Variants in NCOR2 observed in about 807,000 individuals in gnomAD.
NCOR2 encodes CTG repeat protein 26.
NCOR2 carries 81 observed loss-of-function variants against 262.9 expected under a neutral mutation model. The observed-to-expected ratio is 0.31, with a 90% CI of 0.26 to 0.37. NCOR2 has a LOEUF of 0.37. Among genes scored for constraint, NCOR2 ranks in the 10% least tolerant of loss-of-function variants. The probability of loss-of-function intolerance (pLI) is 1.00; values close to 1 mark genes in which losing one functional copy is unlikely to be tolerated. For missense variants in NCOR2, 3,385 were observed against 3,621.4 expected (o/e 0.93, Z 1.68); for synonymous variants, 1,659 against 1,559.3 (o/e 1.06, Z -1.51).
chr12:124,486,473 G>T, exon 2 of NCOR2: 1 of 1,612,464 alleles, frequency 6.2e-7, no homozygotes. Flanking sequence ...CAGACAGCAG[G>T]GAGGGCCTCC....
rs565789991 is a variant in NCOR2 at position 124,521,481 on chromosome 12, A to T, written c.-118+14084T>A. 5.3e-5 allele frequency among the ~76,000 whole-genome samples: 8 copies of T among 152,280 alleles called. No individual in the cohort carries two copies. The East Asian group carries it at 1.5e-3, about 29-fold the overall frequency. ...ACCATTCAACACGGATCAACCTCAA[A>T]CACATTGTGCGGAGTGAAAGAAGCC... On this transcript the variant is annotated intron_variant, in intron 1 of 46. Transcript: ENST00000404621.
At chr12:124,437,867 C>G (rs1363847475) in intron 8 of NCOR2, 63 bp downstream of exon 10, 6 of 1,503,432 alleles carry the variant, frequency 4.0e-6, no homozygotes, top group East Asian at 4.8e-5. Flanking sequence ...GGTGTGGCCC[C>G]CTGTGCGCTC....
intron 4 of NCOR2, among the ~76,000 whole-genome samples, chr12:124,471,192 A>T (rs1300020327): frequency 1.3e-5 from 2 of 152,114 alleles, no homozygotes; most frequent in African/African-American, 4.8e-5. Flanking sequence ...CTTGAAATCA[A>T]TGCTCTCCCC....
At chr12:124,473,876 C>T (rs2046956632) in intron 3 of NCOR2, among the ~76,000 whole-genome samples, 1 of 152,174 alleles carries the variant, frequency 6.6e-6, no homozygotes, top group South Asian at 2.1e-4. Context: ...GGCCCAGAGT[C>T]CTGGACATCT....
exon 20 of NCOR2, chr12:124,372,475 G>A: frequency 6.4e-7 from 1 of 1,569,460 alleles, no homozygotes; most frequent in Non-Finnish European, 8.6e-7. Flanking sequence ...CTCCGGTGGT[G>A]GGGTGGGTGG....
At chr12:124,332,367 C>T in exon 43 of NCOR2, 1 of 1,614,226 alleles carries the variant, frequency 6.2e-7, no homozygotes, top group Non-Finnish European at 8.5e-7. Context: ...TTGTTGATCT[C>T]TTGCTTCTTG....
intron 23 of NCOR2, 55 bp from the exon 26 acceptor site, chr12:124,355,626 G>T: frequency 6.7e-7 from 1 of 1,493,024 alleles, no homozygotes; most frequent in South Asian, 1.4e-5. Context: ...CGTCCCTGCC[G>T]GACACACACT....
chr12:124,357,174 G>A (rs1421599440), intron 22 of NCOR2, among the ~76,000 whole-genome samples: 1 of 152,124 alleles, frequency 6.6e-6, no homozygotes, highest in Non-Finnish European at 1.5e-5. Flanking sequence ...TTTGAGACAG[G>A]GTCTCCTTCT....
chr12:124,523,967 C>G lies in NCOR2; in HGVS notation c.-118+11598G>C, dbSNP rs932325672. Among the ~76,000 whole-genome samples, 2 of 152,226 alleles carry G rather than the reference C, an allele frequency of 1.3e-5. No homozygotes were observed. Among genetic ancestry groups the G allele is most frequent in the African/African-American group, 4.8e-5 (2 of 41,458 alleles). On this transcript the variant is annotated intron_variant, in intron 1 of 46. Coordinates refer to the NCOR2 transcript ENST00000404621. This position sits in a 1 kb window ranked among gnomAD's most constrained non-coding sequence, Gnocchi z 4.0. ...CCCACTGGAGACATGGTATTGTTCT[C>G]TGAGAAACTGCTGTGGCCGTGGGCC...
At chr12:124,393,001 G>C (rs781142297) in intron 16 of NCOR2, among the ~76,000 whole-genome samples, 1 of 152,242 alleles carries the variant, frequency 6.6e-6, no homozygotes, top group Non-Finnish European at 1.5e-5. Context: ...GCAGCCCGGA[G>C]GCGGGCCAGA....
At chr12:124,512,998 G>A (rs2049497427) in intron 1 of NCOR2, among the ~76,000 whole-genome samples, 1 of 152,164 alleles carries the variant, frequency 6.6e-6, no homozygotes, top group South Asian at 2.1e-4. Flanking sequence ...CAACAGGGGA[G>A]CAAATCCCAC....
chr12:124,334,337 C>T (rs2035684205), intron 41 of NCOR2, 87 bp downstream of exon 43: 2 of 1,019,974 alleles, frequency 2.0e-6, no homozygotes, highest in Non-Finnish European at 2.8e-6. Flanking sequence ...TCATATGCAG[C>T]TGAGCTCAGA....
rs1431556938 is a variant in NCOR2 at position 124,481,973 on chromosome 12, G to C, written c.411+1623C>G. 4.6e-5 allele frequency among the ~76,000 whole-genome samples: 7 copies of C among 152,072 alleles called. No homozygotes were observed. The highest frequency in any genetic ancestry group is 1.4e-4 in the African/African-American group (6 of 41,386). ...CAGGTGTGGGCAGAAGGCTGGAATT[G>C]AGATATTTTAGGGCAGAGGTGTCAG... On this transcript the variant is annotated intron_variant, in intron 3 of 46. Coordinates refer to ENST00000405201, the Ensembl canonical transcript of NCOR2. The surrounding 1 kb of genome is among the most constrained non-coding windows in gnomAD (Gnocchi z 4.6).
intron 31 of NCOR2, among the ~76,000 whole-genome samples, chr12:124,345,681 A>C (rs1192796387): frequency 6.6e-6 from 1 of 152,196 alleles, no homozygotes; most frequent in Admixed American, 6.5e-5. Flanking sequence ...CATGCGGTGG[A>C]TGCTTCCAAG....
Position 124,440,463 on chromosome 12 carries a change from C to A in NCOR2, c.816-2467G>T, listed in dbSNP as rs1336887495. Among the ~76,000 whole-genome samples, 1 of 152,244 alleles carries A rather than the reference C, an allele frequency of 6.6e-6. No individual in the cohort carries two copies. Among genetic ancestry groups the A allele is most frequent in the African/African-American group, 2.4e-5 (1 of 41,472 alleles). ...TGGGCCATGGGGGTCCTCAGTCCCA[C>A]AGGCTAGGACCAGCACCCTTCATCT... is the stretch of plus-strand genomic sequence containing the variant. On this transcript the variant is annotated intron_variant, in intron 7 of 46. Transcript: ENST00000405201. The surrounding 1 kb of genome is among the most constrained non-coding windows in gnomAD (Gnocchi z 5.7).
chr12:124,470,326 G>A (rs1028902339), intron 4 of NCOR2, among the ~76,000 whole-genome samples: 3 of 152,274 alleles, frequency 2.0e-5, no homozygotes, highest in South Asian at 4.1e-4. Flanking sequence ...GTTACTGTAC[G>A]ACACGACCCA....
At chr12:124,557,482 T>C (rs1000514671) in intron 1 of NCOR2, among the ~76,000 whole-genome samples, 4 of 152,160 alleles carry the variant, frequency 2.6e-5, no homozygotes, top group Non-Finnish European at 5.9e-5. Flanking sequence ...TTTTGTCCTC[T>C]TATAAGGACA....
At chr12:124,382,624 A>G (rs559011677) in intron 17 of NCOR2, among the ~76,000 whole-genome samples, 16 of 152,248 alleles carry the variant, frequency 1.1e-4, no homozygotes, top group East Asian at 1.9e-4. Flanking sequence ...GAATCCTTCA[A>G]TGCAGCCCCC....
chr12:124,461,624 C>T (rs1009893804), intron 5 of NCOR2, among the ~76,000 whole-genome samples: 3 of 152,230 alleles, frequency 2.0e-5, no homozygotes, highest in African/African-American at 7.2e-5. Context: ...CACATCAAGG[C>T]GCACGCACAT....
Sources: allele counts gnomAD v4.1 joint callset (sites outside exome capture counted in the v4.1 genomes callset), GRCh38; gene constraint gnomAD v4.1.1; non-coding constraint Gnocchi (gnomAD v3.1); transcripts MANE v1.5; gene names NCBI Gene and HGNC (gene_info 2026-07-23, HGNC 2026-07-21).